The following KIF1B variants were observed in gnomAD, a reference collection of about 807,000 sequenced individuals.
KIF1B encodes kinesin-like protein KIF1B.
KIF1B carries 76 observed loss-of-function variants against 241.9 expected under a neutral mutation model. The observed-to-expected ratio is 0.31, with a 90% CI of 0.26 to 0.38. The LOEUF is 0.38. KIF1B is among the 10% of genes least tolerant of loss of function. The probability of loss-of-function intolerance (pLI) is 1.00; values close to 1 mark genes in which losing one functional copy is unlikely to be tolerated. For synonymous variants in KIF1B, 750 were observed against 796.7 expected (o/e 0.94, Z 0.99); for missense variants, 1,622 against 2,271.4 (o/e 0.71, Z 5.81).
intron 32 of KIF1B, among the ~76,000 whole-genome samples, chr1:10,341,490 G>A (rs887714944): frequency 6.6e-6 from 1 of 152,230 alleles, no homozygotes; most frequent in African/African-American, 2.4e-5. Flanking sequence ...GTGAGTGAGT[G>A]AGCCAGAATA....
At chr1:10,285,515 T>C (rs1649642844) in intron 15 of KIF1B, among the ~76,000 whole-genome samples, 1 of 152,228 alleles carries the variant, frequency 6.6e-6, no homozygotes, top group African/African-American at 2.4e-5. Context: ...ACTGTATTAC[T>C]TCAATCAGAA....
At chr1:10,324,108 C>T (rs774822196) in intron 25 of KIF1B, 46 bp downstream of exon 25, 8 of 1,567,110 alleles carry the variant, frequency 5.1e-6, no homozygotes, top group South Asian at 1.1e-5. Context: ...TAGGAAATAA[C>T]AATGACCTGC....
At chr1:10,228,601 T>A (rs559106547) in intron 1 of KIF1B, among the ~76,000 whole-genome samples, 1 of 152,292 alleles carries the variant, frequency 6.6e-6, no homozygotes, top group East Asian at 1.9e-4. Context: ...CAAATCCATA[T>A]CTGGGGCCTA....
At chr1:10,281,888 A>G (rs189569257) in intron 14 of KIF1B, among the ~76,000 whole-genome samples, 1 of 152,362 alleles carries the variant, frequency 6.6e-6, no homozygotes. Flanking sequence ...TATTATTGAT[A>G]AATAAATGAT....
intron 37 of KIF1B, among the ~76,000 whole-genome samples, chr1:10,351,934 C>G (rs1216137732): frequency 2.0e-5 from 3 of 152,026 alleles, no homozygotes; most frequent in Non-Finnish European, 4.4e-5. Flanking sequence ...GATCAAACCA[C>G]TGCTCTCCAG....
In KIF1B at chr1:10,305,781, A is replaced by G. The variant is rs554097972; in HGVS notation, c.2115+8535A>G. On this transcript the variant is annotated intron_variant, in intron 22 of 48. Coordinates refer to ENST00000676179, the MANE Select transcript of KIF1B (RefSeq NM_001365951.3). The stretch of plus-strand genomic sequence containing the variant: ...AGTTTGCCTCACTGGAGAATCCACT[A>G]AGAAAGATGGATTTTAATGGGAAGA... 1.2e-5 allele frequency: 13 copies of G among 1,054,872 alleles called. No homozygotes were observed. In the African/African-American group the frequency reaches 1.7e-4, roughly 13 times the overall value. The allele number at this position is 1,054,872 out of a possible 1,614,324, so 65.3% of individuals were successfully genotyped here.
Position 10,361,836 on chromosome 1 carries a change from CA to C in KIF1B, c.4304+12del. 1 of 1,613,386 alleles carries C rather than the reference CA, an allele frequency of 6.2e-7. No homozygotes were observed. Among genetic ancestry groups the C allele is most frequent in the Admixed American group, 1.7e-5 (1 of 60,008 alleles). On this transcript the variant is annotated intron_variant, in intron 40 of 48. Coordinates refer to ENST00000676179, the MANE Select transcript of KIF1B (RefSeq NM_001365951.3). ...AAAGTCACCAGATTCGTAAGTTTTT[CA>C]CACAAGTTAGCTTCCAGTGTGTTTG...
chr1:10,316,268 T>C (rs1435149036), intron 22 of KIF1B, among the ~76,000 whole-genome samples: 2 of 151,390 alleles, frequency 1.3e-5, no homozygotes, highest in African/African-American at 4.9e-5. Context: ...AATGGTGATG[T>C]TGTGTACTTC....
intron 22 of KIF1B, chr1:10,304,312 C>T (rs773006820): frequency 9.9e-6 from 16 of 1,614,232 alleles, no homozygotes; most frequent in Non-Finnish European, 1.2e-5. Flanking sequence ...TAATCAGCAA[C>T]AGCCACCTCA....
At chr1:10,313,775 C>T (rs902408705) in intron 22 of KIF1B, among the ~76,000 whole-genome samples, 1 of 151,206 alleles carries the variant, frequency 6.6e-6, no homozygotes, top group Non-Finnish European at 1.5e-5. Context: ...TGGTCTTGAT[C>T]TCCTGACCTC....
intron 11 of KIF1B, among the ~76,000 whole-genome samples, 175 bp from the exon 12 acceptor site, chr1:10,276,146 G>A (rs547708295): frequency 6.6e-5 from 10 of 151,656 alleles, no homozygotes; most frequent in Non-Finnish European, 1.5e-4. Flanking sequence ...GACCTCTGGT[G>A]ATCCGCCCAC....
chr1:10,334,708 T>C, intron 28 of KIF1B, 70 bp downstream of exon 28: 1 of 1,170,476 alleles, frequency 8.5e-7, no homozygotes, highest in Non-Finnish European at 1.3e-6. Context: ...TGATTCTGCG[T>C]GGGTCACGCT....
chr1:10,339,114 C>A (rs115962833), intron 31 of KIF1B, among the ~76,000 whole-genome samples: 2,897 of 152,212 alleles, frequency 0.019, 42 homozygotes, highest in Non-Finnish European at 0.028. Context: ...ACGATAACAT[C>A]TCACTATCTG....
At position 10,291,988 on chromosome 1, in the gene KIF1B, T is replaced by G; in HGVS notation, c.1515-59T>G. On this transcript the variant is annotated intron_variant, in intron 16 of 48. Transcript: ENST00000676179. ...GCAGGCTTTATTTTCCAATTCATAT[T>G]AGACTGATTTAATTGACATTTTGGT... is the stretch of plus-strand genomic sequence containing the variant. The G allele has an allele frequency of 2.8e-6, 4 of 1,415,036 alleles. No homozygotes were observed. In the South Asian group the frequency reaches 4.6e-5, roughly 16 times the overall value. The allele number at this position is 1,415,036 out of a possible 1,614,324, so 87.7% of individuals were successfully genotyped here. A position where few individuals can be genotyped will look rare whatever the true frequency, so the allele number is the denominator to read the frequency against.
intron 1 of KIF1B, chr1:10,230,790 C>T (rs1208885079): frequency 6.6e-6 from 1 of 151,982 alleles, no homozygotes; most frequent in Non-Finnish European, 1.5e-5. Flanking sequence ...GTAGTGTTGG[C>T]TTTGTTCTGT....
intron 12 of KIF1B, 77 bp from the exon 13 acceptor site, chr1:10,277,905 GATTT>G: frequency 8.0e-7 from 1 of 1,250,510 alleles, no homozygotes. Flanking sequence ...CAGGATATTT[GATTT>G]AGAGATAATA....
chr1:10,232,224 CAT>C (rs1356042869), intron 1 of KIF1B, 24 bp from the exon 2 acceptor site: 4 of 774,094 alleles, frequency 5.2e-6, no homozygotes, highest in Non-Finnish European at 6.7e-6. Context: ...CTGACTACCT[CAT>C]ATGGAATTTT....
Position 10,272,293 on chromosome 1 carries a change from C to A in KIF1B, c.851C>A (p.Ala284Asp). 6.2e-7 allele frequency: 1 copy of A among 1,606,158 alleles called. No homozygotes were observed. Among genetic ancestry groups the A allele is most frequent in the Non-Finnish European group, 8.5e-7 (1 of 1,172,872 alleles). The change falls in exon 9 of 49, where the codon GCC (alanine) becomes GAC (aspartate). Residue 284 changes from alanine (A) to aspartate (D), a missense_variant. Around this residue, in one of 7 missense-constraint regions of KIF1B, gnomAD observed 201 missense variants for 301.2 expected, o/e 0.67. Transcript: ENST00000676179. Reference protein sequence around the residue: ...SLTTLGKVISALAEVDNCTSK... With the variant: ...SLTTLGKVISDLAEVDNCTSK... ...ACAACTTTGGGCAAAGTCATTTCAG[C>A]CTTGGCCGAGGTGGTAAGTTTTATA...
intron 4 of KIF1B, among the ~76,000 whole-genome samples, chr1:10,260,085 C>T (rs986356760): frequency 6.6e-6 from 1 of 152,190 alleles, no homozygotes; most frequent in East Asian, 1.9e-4. Flanking sequence ...TGTCATTGTA[C>T]AGATATCATA....
Sources: gnomAD v4.1 joint callset for allele counts (sites outside exome capture counted in the v4.1 genomes callset) on GRCh38, gnomAD v4.1.1 for gene constraint, gnomAD v4.1.1 regional missense constraint, MANE v1.5 for transcripts, NCBI Gene and HGNC (gene_info 2026-07-23, HGNC 2026-07-21) for gene names.